Variants in KIAA0825 observed in about 807,000 individuals in gnomAD.
The protein encoded by KIAA0825 is KIAA0825.
In KIAA0825, 119 loss-of-function variants were observed where a neutral mutation model predicts 147.6. That is an observed-to-expected ratio of 0.81 (90% confidence interval 0.69 to 0.94). The LOEUF (loss-of-function observed/expected upper bound fraction) is 0.94, where lower values mean the gene tolerates loss of function less well. Ranked by LOEUF, KIAA0825 falls within the 40% of genes least tolerant of loss-of-function variation. The pLI, the probability that KIAA0825 is intolerant of heterozygous loss-of-function variation, is 0.00. For synonymous variants in KIAA0825, 470 were observed against 518.1 expected, an observed-to-expected ratio of 0.91 and a Z score of 1.26; for missense variants, 1,381 against 1,472.7, an observed-to-expected ratio of 0.94 and a Z score of 1.02.
intron 20 of KIAA0825, among the ~76,000 whole-genome samples, chr5:94,234,548 G>T (rs994556183): frequency 5.3e-5 from 8 of 152,160 alleles, no homozygotes; most frequent in African/African-American, 1.9e-4. Flanking sequence ...TGGTGCTGCA[G>T]GCTTTACAGG....
At chr5:94,521,050 A>C in intron 4 of KIAA0825, 133 bp from the exon 5 acceptor site, 2 of 823,350 alleles carry the variant, frequency 2.4e-6, no homozygotes, top group Non-Finnish European at 3.6e-6. Flanking sequence ...ATTTTTTTGC[A>C]TTTGAAATTT....
Position 94,481,268 on chromosome 5 carries a change from T to C in KIAA0825, c.1132+3501A>G, listed in dbSNP as rs74361589. ...CCCCTACAGAGTTCTTTGTGGTTCA[T>C]TTTATACTTCTGGTTAGTTTCTACA... is the stretch of plus-strand genomic sequence containing the variant. On this transcript the variant is annotated intron_variant, in intron 6 of 20. Coordinates refer to ENST00000682413, the MANE Select transcript of KIAA0825 (RefSeq NM_001145678.3). 5.0e-3 allele frequency among the ~76,000 whole-genome samples: 755 copies of C among 152,180 alleles called. 25 individuals carry two copies. The East Asian group carries it at 0.11, about 21-fold the overall frequency.
chr5:94,340,221 A>G (rs983932848), intron 20 of KIAA0825, among the ~76,000 whole-genome samples: 1 of 152,178 alleles, frequency 6.6e-6, no homozygotes, highest in Non-Finnish European at 1.5e-5. Context: ...ACTTTAAATC[A>G]TCTCTAGAGT....
rs1192324842 is a variant in KIAA0825 at position 94,152,880 on chromosome 5, ATATATATATATATATATATATAT to A, written c.*1104_*1126del. 2.9e-3 allele frequency: 197 copies of A among 67,770 alleles called. 21 individuals carry two copies. The highest frequency in any genetic ancestry group is 5.1e-3 in the South Asian group (9 of 1,754). 4.2% of individuals were successfully genotyped at this position (67,770 alleles called of 1,614,324 possible). A position where few individuals can be genotyped will look rare whatever the true frequency, so the allele number is the denominator to read the frequency against. On this transcript the variant is annotated 3_prime_UTR_variant, in exon 21 of 21. Transcript: ENST00000682413. ...ATTATATATATATATATATATATATATATATATATATATATATATATATGGTTTCTCCCAGACGTTCTTAGACT... is the reference window on the plus strand; with the variant it reads ...ATTATATATATATATATATATATATAGGTTTCTCCCAGACGTTCTTAGACT...
At chr5:94,188,090 G>A (rs1347750666) in intron 20 of KIAA0825, among the ~76,000 whole-genome samples, 1 of 152,168 alleles carries the variant, frequency 6.6e-6, no homozygotes, top group Non-Finnish European at 1.5e-5. Context: ...ACAATGAGAA[G>A]TTGGCTGTCT....
At chr5:94,598,495 G>A (rs1785712714) in intron 1 of KIAA0825, among the ~76,000 whole-genome samples, 1 of 151,890 alleles carries the variant, frequency 6.6e-6, no homozygotes, top group Non-Finnish European at 1.5e-5. Flanking sequence ...TGTTTTACAG[G>A]GAAGCTGTTA....
At chr5:94,558,436 A>G (rs1776968426) in intron 2 of KIAA0825, among the ~76,000 whole-genome samples, 1 of 152,190 alleles carries the variant, frequency 6.6e-6, no homozygotes, top group Non-Finnish European at 1.5e-5. Flanking sequence ...CTAGAACTGC[A>G]GTTTTTGCTC....
At chr5:94,605,675 T>C (rs149097213) in intron 1 of KIAA0825, among the ~76,000 whole-genome samples, 1 of 152,326 alleles carries the variant, frequency 6.6e-6, no homozygotes, top group African/African-American at 2.4e-5. Context: ...CACATGATTA[T>C]CTCAATAGAT....
intron 17 of KIAA0825, among the ~76,000 whole-genome samples, chr5:94,393,069 A>G (rs1474676717): frequency 6.6e-6 from 1 of 152,078 alleles, no homozygotes; most frequent in Non-Finnish European, 1.5e-5. Flanking sequence ...TCTCAGTGTC[A>G]GCTCCTGAAT....
rs1750621303 is a variant in KIAA0825, at chr5:94,396,095, C to A, written c.3296+6G>T. The A allele has an allele frequency of 6.9e-7, 1 of 1,441,576 alleles. No individual in the cohort carries two copies. The allele number at this position is 1,441,576 out of a possible 1,614,324, so 89.3% of individuals were successfully genotyped here. ...GAAATCCAATAAGAGAAAAACATCA[C>A]TTTACCATTCAGTGCTCAGTTTCCT... On this transcript the variant is annotated splice_donor_region_variant and intron_variant, in intron 17 of 20. Transcript: ENST00000682413.
chr5:94,597,885 A>G (rs1361729038), intron 1 of KIAA0825, among the ~76,000 whole-genome samples: 1 of 152,166 alleles, frequency 6.6e-6, no homozygotes, highest in Non-Finnish European at 1.5e-5. Context: ...GGTATGGTAA[A>G]AATATAGTAT....
chr5:94,523,857 C>A, intron 4 of KIAA0825, 73 bp downstream of exon 4: 1 of 985,322 alleles, frequency 1.0e-6, no homozygotes, highest in Non-Finnish European at 1.5e-6. Flanking sequence ...TAAATATTTA[C>A]GTATAGAAAT....
intron 10 of KIAA0825, among the ~76,000 whole-genome samples, chr5:94,466,495 G>A (rs1308304789): frequency 6.6e-6 from 1 of 151,826 alleles, no homozygotes; most frequent in Non-Finnish European, 1.5e-5. Flanking sequence ...CTAGGTGGGC[G>A]GATCACGACG....
chr5:94,471,494 C>G lies in KIAA0825; in HGVS notation c.1693G>C (p.Asp565His). 1 of 1,551,992 alleles carries G rather than the reference C, an allele frequency of 6.4e-7. No homozygotes were observed. The highest frequency in any genetic ancestry group is 8.7e-7 in the Non-Finnish European group (1 of 1,147,036). Residue 565 changes from aspartate (D) to histidine (H), a missense_variant, in exon 9 of 21, where the codon GAT becomes CAT. Coordinates refer to ENST00000682413, the MANE Select transcript of KIAA0825 (RefSeq NM_001145678.3). ...VYVFQHFKRY[D>H]NLMKEMTKKP... The stretch of plus-strand genomic sequence containing the variant: ...TTAGTCATTTCCTTCATCAAATTAT[C>G]ATATCGCTTGAAATGCTGGAAGACA...
chr5:94,425,014 G>C (rs78853880), intron 14 of KIAA0825, among the ~76,000 whole-genome samples: 4 of 152,090 alleles, frequency 2.6e-5, no homozygotes, highest in Non-Finnish European at 5.9e-5. Context: ...TCCCAACAAA[G>C]AAAAGTACAA....
At chr5:94,207,586 G>C (rs1451704409) in intron 20 of KIAA0825, among the ~76,000 whole-genome samples, 1 of 152,162 alleles carries the variant, frequency 6.6e-6, no homozygotes, top group Non-Finnish European at 1.5e-5. Flanking sequence ...ATATTCTCAA[G>C]TATCCTGGCA....
At chr5:94,470,578 T>G (rs991900589) in intron 9 of KIAA0825, among the ~76,000 whole-genome samples, 7 of 152,244 alleles carry the variant, frequency 4.6e-5, no homozygotes, top group Non-Finnish European at 1.0e-4. Flanking sequence ...TAAACTGTTT[T>G]TTAAAATTCT....
rs1041742088 is a variant in KIAA0825, at chr5:94,594,831, A to G, written c.-152-12248T>C. ...TAAAATGAGTGTTATCATGTGTCAC[A>G]TTTGGACTTATTTTAATTAAGTGGC... On this transcript the variant is annotated intron_variant, in intron 1 of 20. Coordinates refer to ENST00000682413, the MANE Select transcript of KIAA0825 (RefSeq NM_001145678.3). 7.7e-6 allele frequency: 3 copies of G among 390,344 alleles called. No individual in the cohort carries two copies. The East Asian group carries it at 2.1e-4, about 27-fold the overall frequency. 24.2% of individuals were successfully genotyped at this position (390,344 alleles called of 1,614,324 possible). A position where few individuals can be genotyped will look rare whatever the true frequency, so the allele number is the denominator to read the frequency against.
chr5:94,170,820 A>G (rs1174609285), intron 20 of KIAA0825, among the ~76,000 whole-genome samples: 1 of 152,194 alleles, frequency 6.6e-6, no homozygotes, highest in Non-Finnish European at 1.5e-5. Context: ...CTATCATACC[A>G]GCCCCAAGGA....
Sources: allele counts gnomAD v4.1 joint callset (sites outside exome capture counted in the v4.1 genomes callset), GRCh38; gene constraint gnomAD v4.1.1; transcripts MANE v1.5; gene names NCBI Gene and HGNC (gene_info 2026-07-23, HGNC 2026-07-21).